The following MS4A7 variants were observed in gnomAD, a reference collection of about 807,000 sequenced individuals.
The protein encoded by MS4A7 is membrane spanning 4-domains A7.
Under a neutral mutation model 23.5 loss-of-function variants are expected in MS4A7, and 21 were observed. That is an observed-to-expected ratio of 0.89 (90% confidence interval 0.63 to 1.29). The LOEUF (loss-of-function observed/expected upper bound fraction) is 1.29, where lower values mean the gene tolerates loss of function less well. Ranked by LOEUF, MS4A7 falls within the 50% of genes most tolerant of loss-of-function variation. The pLI, the probability that MS4A7 is intolerant of heterozygous loss-of-function variation, is 0.00. For missense variants in MS4A7, 263 were observed against 274.2 expected, an observed-to-expected ratio of 0.96 and a Z score of 0.29; for synonymous variants, 111 against 107.4, an observed-to-expected ratio of 1.03 and a Z score of -0.21.
rs992151268 is a variant in MS4A7, at chr11:60,394,180, C to T, written c.*319C>T. On this transcript the variant is annotated 3_prime_UTR_variant, in exon 7 of 7. Coordinates refer to ENST00000300184, the MANE Select transcript of MS4A7 (RefSeq NM_021201.5). ...ATGCTAGTGTGAATTTGGTAAGTTG[C>T]GTGACTCTGCAGGCTGTTTCTGTAT... The T allele has an allele frequency of 1.5e-5, 3 of 195,142 alleles. No individual in the cohort carries two copies. The highest frequency in any genetic ancestry group is 6.0e-5 in the Admixed American group (1 of 16,652). 12.1% of individuals were successfully genotyped at this position (195,142 alleles called of 1,614,324 possible). A position where few individuals can be genotyped will look rare whatever the true frequency, so the allele number is the denominator to read the frequency against.
Position 60,389,464 on chromosome 11 carries a change from C to T in MS4A7, c.414C>T (p.Ser138=), listed in dbSNP as rs1384885369. Residue 138 remains serine (S), a synonymous_variant, in exon 5 of 7, where the codon AGC becomes AGT. Coordinates refer to ENST00000300184, the MANE Select transcript of MS4A7 (RefSeq NM_021201.5). The part of the protein sequence containing the change: ...AGAGLFLLAD[S]MVALRTASQH... ...CAGGCCTCTTCCTCCTTGCTGACAGCATGGTAGCCCTGAGGACTGCCTCTC... is the reference window on the plus strand; with the variant it reads ...CAGGCCTCTTCCTCCTTGCTGACAGTATGGTAGCCCTGAGGACTGCCTCTC... The T allele has an allele frequency of 1.2e-6, 2 of 1,614,118 alleles. No homozygotes were observed. The highest frequency in any genetic ancestry group is 1.7e-6 in the Non-Finnish European group (2 of 1,179,960).
Position 60,394,048 on chromosome 11 carries a change from A to C in MS4A7, c.*187A>C, listed in dbSNP as rs999571400. On this transcript the variant is annotated 3_prime_UTR_variant, in exon 7 of 7. Coordinates refer to ENST00000300184, the MANE Select transcript of MS4A7 (RefSeq NM_021201.5). The stretch of plus-strand genomic sequence containing the variant: ...CTTGAAAATAATTTCCTCAAAGCCC[A>C]AGTCAATAAATGTTATCAGCCAGTC... 1.7e-5 allele frequency: 6 copies of C among 351,892 alleles called. No homozygotes were observed. In the African/African-American group the frequency reaches 2.2e-4, roughly 13 times the overall value. The allele number at this position is 351,892 out of a possible 1,614,324, so 21.8% of individuals were successfully genotyped here.
intron 1 of MS4A7, among the ~76,000 whole-genome samples, chr11:60,379,117 T>C (rs2085401325): frequency 6.6e-6 from 1 of 152,352 alleles, no homozygotes; most frequent in Non-Finnish European, 1.5e-5. Context: ...TCAAGGCGAA[T>C]GTGGAAGGAC....
At chr11:60,381,898 CT>C (rs2085433877) in intron 1 of MS4A7, among the ~76,000 whole-genome samples, 1 of 152,094 alleles carries the variant, frequency 6.6e-6, no homozygotes, top group African/African-American at 2.4e-5. Context: ...TCCCAGTGCA[CT>C]TTTCCATCTC....
intron 1 of MS4A7, among the ~76,000 whole-genome samples, chr11:60,380,767 C>A (rs2085420060): frequency 6.6e-6 from 1 of 152,168 alleles, no homozygotes; most frequent in South Asian, 2.1e-4. Context: ...ACCTATATTC[C>A]CTAAGATCAG....
At position 60,389,487 on chromosome 11, in the gene MS4A7, C is replaced by A. The variant is rs758206112; in HGVS notation, c.437C>A (p.Ser146Tyr). ...ADSMVALRTA[S>Y]QHCGSEMDYL... is the part of the protein sequence containing the mutation. ...AGCATGGTAGCCCTGAGGACTGCCT[C>A]TCAACATTGTGGCTCAGAAATGGAT... Residue 146 changes from serine (S) to tyrosine (Y), a missense_variant, in exon 5 of 7, where the codon TCT becomes TAT. Coordinates refer to ENST00000300184, the MANE Select transcript of MS4A7 (RefSeq NM_021201.5). The A allele has an allele frequency of 8.1e-6, 13 of 1,613,966 alleles. No homozygotes were observed. Among genetic ancestry groups the A allele is most frequent in the East Asian group, 2.2e-5 (1 of 44,900 alleles).
intron 4 of MS4A7, 123 bp downstream of exon 4, chr11:60,386,896 GC>G: frequency 2.4e-6 from 2 of 832,042 alleles, no homozygotes; most frequent in Non-Finnish European, 1.8e-6. Context: ...AGGCTAGGAA[GC>G]CCAGGTTTTC....
intron 3 of MS4A7, 87 bp downstream of exon 3, chr11:60,385,309 G>T (rs113834496): frequency 5.3e-6 from 8 of 1,508,338 alleles, no homozygotes; most frequent in Non-Finnish European, 7.2e-6. Flanking sequence ...ACTCCAAGAG[G>T]CCAGGAGGCA....
chr11:60,388,032 T>C (rs907959617), intron 4 of MS4A7, among the ~76,000 whole-genome samples: 1 of 152,208 alleles, frequency 6.6e-6, no homozygotes, highest in Non-Finnish European at 1.5e-5. Flanking sequence ...GAAGACAATG[T>C]ATGTTGGGAA....
intron 2 of MS4A7, among the ~76,000 whole-genome samples, chr11:60,384,817 A>T (rs1373314621): frequency 6.6e-6 from 1 of 152,158 alleles, no homozygotes; most frequent in Non-Finnish European, 1.5e-5. Context: ...AAATAAATTT[A>T]AAAACTGTCA....
At chr11:60,386,173 C>A (rs1056472601) in intron 3 of MS4A7, among the ~76,000 whole-genome samples, 20 of 152,326 alleles carry the variant, frequency 1.3e-4, no homozygotes, top group Admixed American at 1.2e-3. Flanking sequence ...TCTTTAATAC[C>A]ACTGAGATTA....
At chr11:60,385,915 A>T (rs1590793209) in intron 3 of MS4A7, among the ~76,000 whole-genome samples, 1 of 152,228 alleles carries the variant, frequency 6.6e-6, no homozygotes, top group Admixed American at 6.5e-5. Context: ...CTAAGGTACC[A>T]CTTCTGTGTG....
chr11:60,392,920 T>TA (rs3833757), intron 6 of MS4A7, 134 bp downstream of exon 6: 15 of 612,870 alleles, frequency 2.4e-5, no homozygotes, highest in East Asian at 1.2e-4. Context: ...CTTTTATAAT[T>TA]AAAAAAATGA....
rs59011769 is a variant in MS4A7 at position 60,381,902 on chromosome 11, T to C, written c.-13-1227T>C. Among the ~76,000 whole-genome samples, 1,429 of 152,216 alleles carry C rather than the reference T, an allele frequency of 9.4e-3. 26 individuals are homozygous for C. Among genetic ancestry groups the C allele is most frequent in the African/African-American group, 0.032 (1,344 of 41,534 alleles). ...TTGGACTCCCATCCCAGTGCACTTT[T>C]CCATCTCCCTCACTAGGAAGAGATT... On this transcript the variant is annotated intron_variant, in intron 1 of 6. Coordinates refer to ENST00000300184, the MANE Select transcript of MS4A7 (RefSeq NM_021201.5).
chr11:60,389,619 T>A, intron 5 of MS4A7, 23 bp downstream of exon 5: 1 of 1,596,906 alleles, frequency 6.3e-7, no homozygotes, highest in Non-Finnish European at 8.6e-7. Flanking sequence ...AGACTGAATA[T>A]CCTGTCATGT....
intron 5 of MS4A7, chr11:60,389,912 C>T: frequency 3.8e-6 from 1 of 266,380 alleles, no homozygotes; most frequent in East Asian, 8.8e-5. Flanking sequence ...TCATCACAGG[C>T]AGAAATATTC....
In MS4A7 at chr11:60,386,793, A is replaced by G; in HGVS notation, c.339+20A>G. The G allele has an allele frequency of 6.3e-7, 1 of 1,578,158 alleles. No individual in the cohort carries two copies. Among genetic ancestry groups the G allele is most frequent in the Non-Finnish European group, 8.7e-7 (1 of 1,152,482 alleles). ...CCCTTTGTAAGTATAAGGACCATCA[A>G]ATCTCAGCTGGTTGGAATTGAAGGA... On this transcript the variant is annotated intron_variant, in intron 4 of 6. Coordinates refer to ENST00000300184, the MANE Select transcript of MS4A7 (RefSeq NM_021201.5).
intron 5 of MS4A7, chr11:60,389,808 G>T (rs78287249): frequency 0.072 from 40,222 of 557,168 alleles, 1,748 homozygotes; most frequent in South Asian, 0.13. Flanking sequence ...AATCATGAAG[G>T]ACAGTAGGGA....
At position 60,385,070 on chromosome 11, in the gene MS4A7, C is replaced by T; in HGVS notation, c.148-18C>T. ...CTGTTTGAAGTGCAGTCTAGATTTC[C>T]TGTCTTCTCTCTTGTAGACTGTCCA... On this transcript the variant is annotated intron_variant, in intron 2 of 6. Transcript: ENST00000300184. 1 of 1,611,318 alleles carries T rather than the reference C, an allele frequency of 6.2e-7. No homozygotes were observed. Among genetic ancestry groups the T allele is most frequent in the Non-Finnish European group, 8.5e-7 (1 of 1,177,718 alleles).
Sources: allele counts gnomAD v4.1 joint callset (sites outside exome capture counted in the v4.1 genomes callset), GRCh38; gene constraint gnomAD v4.1.1; transcripts MANE v1.5; gene names NCBI Gene and HGNC (gene_info 2026-07-23, HGNC 2026-07-21).